The following CAMSAP1 variants were observed in gnomAD, a reference collection of about 807,000 sequenced individuals.
CAMSAP1 encodes calmodulin-regulated spectrin-associated protein 1.
Under a neutral mutation model 143.5 loss-of-function variants are expected in CAMSAP1, and 58 were observed. The ratio of observed to expected loss-of-function variants is 0.40; its 90% CI spans 0.33 to 0.50. The LOEUF is 0.50. Ranked by LOEUF, CAMSAP1 falls within the 20% of genes least tolerant of loss-of-function variation. The pLI, the probability that CAMSAP1 is intolerant of heterozygous loss-of-function variation, is 0.45. For missense variants in CAMSAP1, 1,969 were observed against 2,115.7 expected (o/e 0.93, Z 1.36); for synonymous variants, 945 against 859.3 (o/e 1.10, Z -1.74).
chr9:135,872,830 C>T (rs1219895944), intron 3 of CAMSAP1, among the ~76,000 whole-genome samples: 3 of 152,144 alleles, frequency 2.0e-5, no homozygotes, highest in African/African-American at 7.2e-5. Context: ...TATGTGTAAA[C>T]GTAACAGACT....
chr9:135,881,820 T>C, intron 2 of CAMSAP1, 26 bp from the exon 3 acceptor site: 2 of 1,550,370 alleles, frequency 1.3e-6, no homozygotes, highest in Non-Finnish European at 1.7e-6. Context: ...GCAGCTATAA[T>C]CCCTCAAACC....
Position 135,823,990 on chromosome 9 carries a change from G to A in CAMSAP1, c.1360C>T (p.Pro454Ser), listed in dbSNP as rs1469089319. The A allele has an allele frequency of 3.8e-6, 6 of 1,590,032 alleles. No individual in the cohort carries two copies. The highest frequency in any genetic ancestry group is 1.3e-5 in the African/African-American group (1 of 74,544). The change falls in exon 10 of 17, where the codon CCT becomes TCT. Residue 454 changes from proline to serine, a missense_variant. Transcript: ENST00000389532. ...SNSLTRVDGQ[P>S]RGAAIAWPEK... Reference sequence around the variant, plus strand: ...GGCCAGGCTATTGCTGCTCCTCGAGGCTGACCATCAACTCGGGTCAAAGAA... The same window carrying A: ...GGCCAGGCTATTGCTGCTCCTCGAGACTGACCATCAACTCGGGTCAAAGAA...
intron 1 of CAMSAP1, among the ~76,000 whole-genome samples, chr9:135,894,526 T>G (rs1166729317): frequency 1.1e-4 from 17 of 152,110 alleles, no homozygotes; most frequent in Admixed American, 1.1e-3. Flanking sequence ...CTGCCCAGCC[T>G]AAGGAGCTCC....
rs191389200 is a variant in CAMSAP1 at position 135,856,867 on chromosome 9, G to A, written c.808+5600C>T. 2.4e-4 allele frequency among the ~76,000 whole-genome samples: 36 copies of A among 152,294 alleles called. No individual in the cohort carries two copies. In the East Asian group the frequency reaches 5.6e-3, roughly 24 times the overall value. ...CTCCTGGTCTGTGCCTTTGTCCCACGCTCCTGGCCCATCCATGGGAAGGCT... is the reference window on the plus strand; with the variant it reads ...CTCCTGGTCTGTGCCTTTGTCCCACACTCCTGGCCCATCCATGGGAAGGCT... On this transcript the variant is annotated intron_variant, in intron 5 of 16. Coordinates refer to ENST00000389532, the MANE Select transcript of CAMSAP1 (RefSeq NM_015447.4).
intron 7 of CAMSAP1, among the ~76,000 whole-genome samples, chr9:135,837,168 G>C (rs1836092536): frequency 6.7e-6 from 1 of 148,762 alleles, no homozygotes. Flanking sequence ...CCCTTCTACA[G>C]ATACACATCA....
Position 135,907,077 on chromosome 9 carries a change from G to A in CAMSAP1, c.83C>T (p.Pro28Leu). Residue 28 changes from proline to leucine, a missense_variant, in exon 1 of 17, where the codon CCC becomes CTC. Pro to Leu is a moderately conservative substitution (Grantham distance 98). Coordinates refer to ENST00000389532, the MANE Select transcript of CAMSAP1 (RefSeq NM_015447.4). ...APPDGAADLV[P>L]LDRYDAARAK... ...GCGCGCCGCGTCGTAGCGGTCCAGG[G>A]GCACGAGGTCGGCGGCGCCGTCCGG... The A allele has an allele frequency of 1.7e-6, 2 of 1,169,206 alleles. No homozygotes were observed. Among genetic ancestry groups the A allele is most frequent in the East Asian group, 4.1e-5 (1 of 24,484 alleles). 72.4% of individuals were successfully genotyped at this position (1,169,206 alleles called of 1,614,324 possible).
At chr9:135,864,817 A>G (rs1023191) in intron 4 of CAMSAP1, among the ~76,000 whole-genome samples, 52,905 of 152,108 alleles carry the variant, frequency 0.35, 10,817 homozygotes, top group African/African-American at 0.58. Flanking sequence ...GGCAGCAGGA[A>G]TGGCTGCAAC....
At chr9:135,899,274 T>G (rs1416276678) in intron 1 of CAMSAP1, among the ~76,000 whole-genome samples, 1 of 152,010 alleles carries the variant, frequency 6.6e-6, no homozygotes, top group Non-Finnish European at 1.5e-5. Flanking sequence ...AAATCACACC[T>G]CGATAAAAGT....
At position 135,821,052 on chromosome 9, in the gene CAMSAP1, C is replaced by A; in HGVS notation, c.3609G>T (p.Ala1203=). The part of the protein sequence containing the change: ...EQMSLKEVLD[A]SVKEVGSSSS... ...AGCTGGACCCCACCTCCTTCACACTCGCATCCAGAACTTCTTTGAGGCTCA... is the reference window on the plus strand; with the variant it reads ...AGCTGGACCCCACCTCCTTCACACTAGCATCCAGAACTTCTTTGAGGCTCA... The change falls in exon 11 of 17, where the codon GCG becomes GCT. Residue 1203 remains alanine, a synonymous_variant. Coordinates refer to ENST00000389532, the MANE Select transcript of CAMSAP1 (RefSeq NM_015447.4). This position sits in a 1 kb window ranked among gnomAD's most constrained non-coding sequence, Gnocchi z 4.6. 1 of 1,613,982 alleles carries A rather than the reference C, an allele frequency of 6.2e-7. No homozygotes were observed. The highest frequency in any genetic ancestry group is 8.5e-7 in the Non-Finnish European group (1 of 1,179,882).
rs1043801360 is a variant in CAMSAP1, at chr9:135,820,484, C to T, written c.3822+355G>A. Among the ~76,000 whole-genome samples the T allele has an allele frequency of 7.2e-5, 11 of 151,844 alleles. 1 individual carries two copies. The highest frequency in any genetic ancestry group is 3.9e-4 in the Admixed American group (6 of 15,270). On this transcript the variant is annotated intron_variant, in intron 11 of 16. Transcript: ENST00000389532. The surrounding 1 kb of genome is among the most constrained non-coding windows in gnomAD (Gnocchi z 4.4). Reference sequence around the variant, plus strand: ...GGCCACCTCCAGAGCATTCTAACGACGAACGCTTTTTACGCTTTGGGGCAG... The same window carrying T: ...GGCCACCTCCAGAGCATTCTAACGATGAACGCTTTTTACGCTTTGGGGCAG...
rs767969639 is a variant in CAMSAP1 at position 135,818,646 on chromosome 9, C to G, written c.3960-30G>C. On this transcript the variant is annotated intron_variant, in intron 12 of 16. Coordinates refer to ENST00000389532, the MANE Select transcript of CAMSAP1 (RefSeq NM_015447.4). The surrounding 1 kb of genome is among the most constrained non-coding windows in gnomAD (Gnocchi z 7.7). ...GAGAAACACACGCCCAGACACTGCTCGGTCACGGGGCTTCTTCCACGACGC... is the reference window on the plus strand; with the variant it reads ...GAGAAACACACGCCCAGACACTGCTGGGTCACGGGGCTTCTTCCACGACGC... 5 of 1,604,412 alleles carry G rather than the reference C, an allele frequency of 3.1e-6. 1 individual carries two copies. In the South Asian group the frequency reaches 5.5e-5, roughly 18 times the overall value.
At position 135,822,573 on chromosome 9, in the gene CAMSAP1, G is replaced by A. The variant is rs1315668235; in HGVS notation, c.2088C>T (p.Ser696=). ...GGFDPFPQGP[S]TDGFFLHVGR... ...CTACATGAAGGAAGAAGCCATCCGT[G>A]GATGGTCCCTGGGGGAACGGATCGA... Residue 696 remains serine (S), a synonymous_variant, in exon 11 of 17, where the codon TCC becomes TCT. Coordinates refer to ENST00000389532, the MANE Select transcript of CAMSAP1 (RefSeq NM_015447.4). This position sits in a 1 kb window ranked among gnomAD's most constrained non-coding sequence, Gnocchi z 6.1. 1 of 1,613,456 alleles carries A rather than the reference G, an allele frequency of 6.2e-7. No homozygotes were observed. The highest frequency in any genetic ancestry group is 8.5e-7 in the Non-Finnish European group (1 of 1,179,846).
At chr9:135,862,427 G>A (rs776684491) in intron 5 of CAMSAP1, 40 bp downstream of exon 5, 414 of 1,539,896 alleles carry the variant, frequency 2.7e-4, no homozygotes, top group Non-Finnish European at 3.4e-4. Flanking sequence ...TTTCCTTTAA[G>A]CCTTTTCGGA....
intron 1 of CAMSAP1, among the ~76,000 whole-genome samples, chr9:135,890,183 T>C (rs1838246195): frequency 6.6e-6 from 1 of 151,622 alleles, no homozygotes; most frequent in African/African-American, 2.4e-5. Context: ...CCATGGAGGC[T>C]CCGCATGTAC....
chr9:135,819,351 T>G (rs758596875), intron 11 of CAMSAP1, among the ~76,000 whole-genome samples: 1 of 152,114 alleles, frequency 6.6e-6, no homozygotes, highest in Non-Finnish European at 1.5e-5. Flanking sequence ...TCACCCAATT[T>G]CCCAAACATC....
In CAMSAP1 at chr9:135,818,390, A is replaced by C; in HGVS notation, c.4168+18T>G. On this transcript the variant is annotated intron_variant, in intron 13 of 16. Transcript: ENST00000389532. The surrounding 1 kb of genome is among the most constrained non-coding windows in gnomAD (Gnocchi z 7.7). Reference sequence around the variant, plus strand: ...CGCGGAAGGAAGCGCTGCCCGCGTGAGGGCCGGGGCTGCTTACGGGTGGAG... The same window carrying C: ...CGCGGAAGGAAGCGCTGCCCGCGTGCGGGCCGGGGCTGCTTACGGGTGGAG... 6.5e-7 allele frequency: 1 copy of C among 1,548,622 alleles called. No homozygotes were observed. The highest frequency in any genetic ancestry group is 1.9e-5 in the Admixed American group (1 of 53,252).
chr9:135,893,401 AG>A (rs1244412664), intron 1 of CAMSAP1, among the ~76,000 whole-genome samples: 1 of 152,060 alleles, frequency 6.6e-6, no homozygotes, highest in Admixed American at 6.5e-5. Context: ...GAAAGGAGAA[AG>A]GAAAAAAAGA....
intron 7 of CAMSAP1, among the ~76,000 whole-genome samples, chr9:135,839,574 A>G (rs764021070): frequency 6.6e-6 from 1 of 152,144 alleles, no homozygotes; most frequent in African/African-American, 2.4e-5. Flanking sequence ...ATCACGCGAC[A>G]TTAACAACAG....
rs62585189 is a variant in CAMSAP1, at chr9:135,899,416, T to C, written c.160+7584A>G. Reference sequence around the variant, plus strand: ...CCATCCCTGACAGAACTTGTCTCTATTAAAAAAAAAAAAAAAAAAGTCCAA... The same window carrying C: ...CCATCCCTGACAGAACTTGTCTCTACTAAAAAAAAAAAAAAAAAAGTCCAA... On this transcript the variant is annotated intron_variant, in intron 1 of 16. Transcript: ENST00000389532. 9.8e-5 allele frequency among the ~76,000 whole-genome samples: 14 copies of C among 143,374 alleles called. 1 individual carries two copies. Among genetic ancestry groups the C allele is most frequent in the Admixed American group, 8.3e-4 (12 of 14,504 alleles). The allele number at this position is 143,374 out of a possible 152,430, so 94.1% of individuals were successfully genotyped here. A position where few individuals can be genotyped will look rare whatever the true frequency, so the allele number is the denominator to read the frequency against.
Sources: allele counts gnomAD v4.1 joint callset (sites outside exome capture counted in the v4.1 genomes callset), GRCh38; gene constraint gnomAD v4.1.1; non-coding constraint Gnocchi (gnomAD v3.1); transcripts MANE v1.5; gene names NCBI Gene and HGNC (gene_info 2026-07-23, HGNC 2026-07-21).